The following SCD5 variants were observed in gnomAD, a reference collection of about 807,000 sequenced individuals.
SCD5 encodes the protein stearoyl-CoA desaturase 5.
In SCD5, 20 loss-of-function variants were observed where a neutral mutation model predicts 30.4. The observed-to-expected ratio is 0.66, with a 90% CI of 0.46 to 0.96. The LOEUF is 0.96. SCD5 is among the 40% of genes least tolerant of loss of function. The probability of loss-of-function intolerance (pLI) is 0.00; values close to 1 mark genes in which losing one functional copy is unlikely to be tolerated. For missense variants in SCD5, 381 were observed against 443.3 expected (o/e 0.86, Z 1.26); for synonymous variants, 173 against 176.4 (o/e 0.98, Z 0.16).
chr4:82,779,387 A>G (rs573692046), intron 1 of SCD5, among the ~76,000 whole-genome samples: 1 of 152,346 alleles, frequency 6.6e-6, no homozygotes, highest in Admixed American at 6.5e-5. Flanking sequence ...GCAAGGAAAC[A>G]GATTACCCAC....
chr4:82,749,943 T>C (rs1052297339), intron 1 of SCD5, among the ~76,000 whole-genome samples: 1 of 152,198 alleles, frequency 6.6e-6, no homozygotes, highest in Admixed American at 6.5e-5. Context: ...TGGCTAAGGG[T>C]AGGAACTCTG....
intron 1 of SCD5, among the ~76,000 whole-genome samples, chr4:82,773,401 G>C (rs1450009215): frequency 6.6e-6 from 1 of 152,122 alleles, no homozygotes; most frequent in African/African-American, 2.4e-5. Flanking sequence ...GCAGGGACAG[G>C]CTCCAAGTAG....
At chr4:82,763,501 A>G (rs953354506) in intron 1 of SCD5, among the ~76,000 whole-genome samples, 1 of 152,046 alleles carries the variant, frequency 6.6e-6, no homozygotes, top group Non-Finnish European at 1.5e-5. Context: ...ACAAAGCGAG[A>G]CTCTGTCTCA....
chr4:82,779,521 A>C (rs1721825126), intron 1 of SCD5, among the ~76,000 whole-genome samples: 1 of 152,232 alleles, frequency 6.6e-6, no homozygotes, highest in African/African-American at 2.4e-5. Context: ...CCAGGCATGC[A>C]TCAGTGGGCA....
intron 1 of SCD5, among the ~76,000 whole-genome samples, chr4:82,708,077 T>A (rs368893885): frequency 6.2e-4 from 94 of 152,200 alleles, no homozygotes; most frequent in African/African-American, 2.2e-3. Flanking sequence ...TGGTGTTGCA[T>A]GGGGTAGGGG....
chr4:82,753,204 C>T (rs1721144645), intron 1 of SCD5: 4 of 408,246 alleles, frequency 9.8e-6, no homozygotes, highest in African/African-American at 2.0e-5. Flanking sequence ...TCACCTACTT[C>T]ATGTGAGAGT....
At chr4:82,703,097 T>C (rs1719889016) in intron 2 of SCD5, among the ~76,000 whole-genome samples, 2 of 152,216 alleles carry the variant, frequency 1.3e-5, no homozygotes, top group South Asian at 2.1e-4. Flanking sequence ...AAGGCGAAGC[T>C]TGTGACTCTT....
At chr4:82,779,548 GC>G (rs1228592298) in intron 1 of SCD5, among the ~76,000 whole-genome samples, 3 of 152,220 alleles carry the variant, frequency 2.0e-5, no homozygotes, top group Non-Finnish European at 2.9e-5. Flanking sequence ...TCCCAGAGCT[GC>G]CCACACATGG....
chr4:82,752,739 G>A (rs1161162227), intron 1 of SCD5, among the ~76,000 whole-genome samples: 3 of 152,020 alleles, frequency 2.0e-5, no homozygotes, highest in East Asian at 1.9e-4. Context: ...GTTCTTTCAC[G>A]CTTCTCTCTC....
intron 1 of SCD5, among the ~76,000 whole-genome samples, chr4:82,736,819 T>G (rs1248440799): frequency 1.3e-5 from 2 of 151,854 alleles, no homozygotes; most frequent in Non-Finnish European, 2.9e-5. Context: ...CATGCCACCA[T>G]GCCCAGCTAA....
intron 1 of SCD5, among the ~76,000 whole-genome samples, chr4:82,716,506 G>A (rs1009981814): frequency 2.6e-5 from 4 of 151,852 alleles, no homozygotes; most frequent in Non-Finnish European, 5.9e-5. Flanking sequence ...GGATTCAACT[G>A]TGGGCTGAAA....
At chr4:82,637,874 T>C (rs1227990073) in intron 3 of SCD5, among the ~76,000 whole-genome samples, 2 of 152,144 alleles carry the variant, frequency 1.3e-5, no homozygotes, top group Non-Finnish European at 1.5e-5. Flanking sequence ...TGGTTCTTTT[T>C]AAAAATTTTT....
At position 82,782,704 on chromosome 4, in the gene SCD5, T is replaced by C. The variant is rs1014246694; in HGVS notation, c.232+15602A>G. 3.9e-5 allele frequency among the ~76,000 whole-genome samples: 6 copies of C among 151,940 alleles called. No homozygotes were observed. The South Asian group carries it at 1.3e-3, about 32-fold the overall frequency. ...CCCTATAAAGTATTCCAGGTCCTAA[T>C]ACTCTCCCTGCTCCTGTGAAACTCC... is the stretch of plus-strand genomic sequence containing the variant. On this transcript the variant is annotated intron_variant, in intron 1 of 4. Transcript: ENST00000319540.
intron 1 of SCD5, among the ~76,000 whole-genome samples, chr4:82,737,146 G>A (rs904688697): frequency 1.3e-5 from 2 of 152,072 alleles, no homozygotes; most frequent in African/African-American, 4.8e-5. Flanking sequence ...TTTGTATGAG[G>A]GTATAACTTT....
chr4:82,767,811 A>C (rs1721525813), intron 1 of SCD5, among the ~76,000 whole-genome samples: 2 of 152,172 alleles, frequency 1.3e-5, no homozygotes, highest in Admixed American at 1.3e-4. Context: ...TGCCACACTA[A>C]AAACCCACAT....
At chr4:82,742,559 G>T (rs1720897617) in intron 1 of SCD5, among the ~76,000 whole-genome samples, 4 of 152,174 alleles carry the variant, frequency 2.6e-5, no homozygotes, top group Admixed American at 1.3e-4. Context: ...GGCCGAGGTG[G>T]GTGGATCACT....
intron 1 of SCD5, among the ~76,000 whole-genome samples, chr4:82,747,878 C>T (rs1052953235): frequency 6.6e-6 from 1 of 152,138 alleles, no homozygotes; most frequent in Non-Finnish European, 1.5e-5. Flanking sequence ...AACCAGCAGC[C>T]ACAGAAAGGC....
chr4:82,756,260 G>A (rs1721231617), intron 1 of SCD5, among the ~76,000 whole-genome samples: 1 of 152,172 alleles, frequency 6.6e-6, no homozygotes, highest in African/African-American at 2.4e-5. Flanking sequence ...GTGGGTCATC[G>A]AGACCCCCTC....
At chr4:82,689,161 G>A (rs908180902) in intron 2 of SCD5, among the ~76,000 whole-genome samples, 26 of 152,218 alleles carry the variant, frequency 1.7e-4, no homozygotes, top group African/African-American at 6.3e-4. Context: ...TCAGGAGTGT[G>A]GAGAAATGGC....
Sources: gnomAD v4.1 joint callset for allele counts (sites outside exome capture counted in the v4.1 genomes callset) on GRCh38, gnomAD v4.1.1 for gene constraint, MANE v1.5 for transcripts, NCBI Gene and HGNC (gene_info 2026-07-23, HGNC 2026-07-21) for gene names.